Variants in METTL15 observed in about 807,000 individuals in gnomAD.
METTL15 encodes methyltransferase 15, mitochondrial 12S rRNA N4-cytidine.
In METTL15, 34 loss-of-function variants were observed where a neutral mutation model predicts 38.3. The ratio of observed to expected loss-of-function variants is 0.89; its 90% confidence interval spans 0.68 to 1.18. METTL15 has a LOEUF of 1.18. Among genes scored for constraint, METTL15 ranks in the 50% most tolerant of loss-of-function variants. The probability of loss-of-function intolerance (pLI) is 0.00; values close to 1 mark genes in which losing one functional copy is unlikely to be tolerated. For missense variants in METTL15, 438 were observed against 498.4 expected (o/e 0.88, Z 1.15); for synonymous variants, 162 against 170.9 (o/e 0.95, Z 0.41).
intron 3 of METTL15, 79 bp downstream of exon 3, chr11:28,113,683 T>C (rs1851819999): frequency 6.8e-7 from 1 of 1,469,374 alleles, no homozygotes; most frequent in East Asian, 2.3e-5. Flanking sequence ...TTTTAAGGTA[T>C]ACAATTCAGT....
chr11:28,375,601 T>G (rs1197045403), intron 5 of METTL15, among the ~76,000 whole-genome samples: 1 of 152,174 alleles, frequency 6.6e-6, no homozygotes, highest in Non-Finnish European at 1.5e-5. Context: ...ATTTTGTTGA[T>G]CCTTTCAAAA....
intron 6 of METTL15, among the ~76,000 whole-genome samples, chr11:28,522,639 A>G (rs1234918801): frequency 6.6e-6 from 1 of 152,234 alleles, no homozygotes; most frequent in Non-Finnish European, 1.5e-5. Flanking sequence ...AAGTTGACAC[A>G]TAAATTTCAC....
rs879386241 is a variant in METTL15, at chr11:28,445,459, TTAATC to T, written c.*424+21098_*424+21102del. Reference sequence around the variant, plus strand: ...GGAAACTGGACATTGATACAACACTTTAATCTATAGTCCACATTTTAATTTTATTA... The same window carrying T: ...GGAAACTGGACATTGATACAACACTTTATAGTCCACATTTTAATTTTATTA... On this transcript the variant is annotated intron_variant and NMD_transcript_variant, in intron 6 of 7. Coordinates refer to the METTL15 transcript ENST00000532947. Among the ~76,000 whole-genome samples, 27 of 152,256 alleles carry T rather than the reference TTAATC, an allele frequency of 1.8e-4. 1 individual carries two copies. Among genetic ancestry groups the T allele is most frequent in the South Asian group, 6.2e-4 (3 of 4,826 alleles).
intron 4 of METTL15, among the ~76,000 whole-genome samples, chr11:28,355,012 T>C (rs1004215882): frequency 2.6e-5 from 4 of 151,958 alleles, no homozygotes; most frequent in African/African-American, 9.7e-5. Flanking sequence ...GAAGAGTGCA[T>C]CTCTGGGACT....
chr11:28,431,776 T>TAA (rs34283925), intron 6 of METTL15, among the ~76,000 whole-genome samples: 6,838 of 51,040 alleles, frequency 0.13, 477 homozygotes, highest in East Asian at 0.23. Flanking sequence ...GAATTATCAA[T>TAA]AAAAAAATAA....
chr11:28,179,807 C>A (rs1227771018), intron 3 of METTL15, among the ~76,000 whole-genome samples: 1 of 151,736 alleles, frequency 6.6e-6, no homozygotes, highest in Non-Finnish European at 1.5e-5. Flanking sequence ...TATTGATTCA[C>A]TTTAGGAAAT....
intron 5 of METTL15, among the ~76,000 whole-genome samples, chr11:28,368,511 G>A (rs1446480641): frequency 1.3e-5 from 2 of 152,208 alleles, no homozygotes. Flanking sequence ...AACAGATCCT[G>A]GAGAGGATGG....
At chr11:28,115,441 A>G (rs1407668760) in intron 3 of METTL15, among the ~76,000 whole-genome samples, 1 of 151,974 alleles carries the variant, frequency 6.6e-6, no homozygotes, top group African/African-American at 2.4e-5. Context: ...TATTTTTAGT[A>G]GAGATGGGGT....
At chr11:28,244,964 C>T (rs1295501477) in intron 4 of METTL15, among the ~76,000 whole-genome samples, 1 of 152,128 alleles carries the variant, frequency 6.6e-6, no homozygotes. Flanking sequence ...TTTGTGCAGC[C>T]TGCAAGGTTT....
chr11:28,253,888 G>T (rs1377752906), intron 4 of METTL15, among the ~76,000 whole-genome samples: 1 of 151,976 alleles, frequency 6.6e-6, no homozygotes, highest in African/African-American at 2.4e-5. Context: ...ATTTGTTGAT[G>T]GACACTTGGT....
intron 1 of METTL15, among the ~76,000 whole-genome samples, chr11:28,109,738 A>T (rs1565097002): frequency 6.6e-6 from 1 of 152,214 alleles, no homozygotes; most frequent in African/African-American, 2.4e-5. Flanking sequence ...CCCACATTGT[A>T]TAAGGTTTAT....
Position 28,330,695 on chromosome 11 carries a change from C to A in METTL15, c.1078C>A (p.His360Asn), listed in dbSNP as rs1325660932. Residue 360 changes from histidine (H) to asparagine (N), a missense_variant, in exon 7 of 7, where the codon CAC (histidine) becomes AAC (asparagine). Physicochemically the swap from His to Asn is moderately conservative, Grantham distance 68. Transcript: ENST00000407364. ...VMKTSQLGSD[H>N]ENTEEVSMRR... ...GAAAACATCTCAATTGGGTTCAGAT[C>A]ACGAAAACACGGAAGAAGTCTCTAT... 5.2e-6 allele frequency: 8 copies of A among 1,551,340 alleles called. No homozygotes were observed. The highest frequency in any genetic ancestry group is 7.0e-6 in the Non-Finnish European group (8 of 1,146,808).
chr11:28,361,426 A>G (rs1157614862), intron 4 of METTL15, among the ~76,000 whole-genome samples: 1 of 152,176 alleles, frequency 6.6e-6, no homozygotes, highest in Non-Finnish European at 1.5e-5. Context: ...ATATCGCCAA[A>G]CTGTCATTTC....
intron 4 of METTL15, among the ~76,000 whole-genome samples, chr11:28,271,428 C>T (rs1257856253): frequency 6.6e-6 from 1 of 152,148 alleles, no homozygotes; most frequent in African/African-American, 2.4e-5. Context: ...TTAAGATTGA[C>T]ATTGGTTGAT....
intron 3 of METTL15, among the ~76,000 whole-genome samples, chr11:28,128,633 G>T: frequency 6.6e-6 from 1 of 151,964 alleles, no homozygotes; most frequent in Non-Finnish European, 1.5e-5. Flanking sequence ...GCAATGTTTT[G>T]CGTAAAAGTT....
At chr11:28,260,922 TGTTG>T (rs567009786) in intron 4 of METTL15, among the ~76,000 whole-genome samples, 34 of 152,306 alleles carry the variant, frequency 2.2e-4, no homozygotes, top group Admixed American at 1.4e-3. Context: ...AGTTAAGGCC[TGTTG>T]GTTGGTAGTT....
chr11:28,422,350 T>C (rs1052326691), intron 5 of METTL15, among the ~76,000 whole-genome samples: 1 of 151,994 alleles, frequency 6.6e-6, no homozygotes, highest in African/African-American at 2.4e-5. Flanking sequence ...CTAAAATTTA[T>C]GTGGAACTAC....
At chr11:28,323,700 G>A (rs1849544280) in intron 6 of METTL15, among the ~76,000 whole-genome samples, 1 of 152,190 alleles carries the variant, frequency 6.6e-6, no homozygotes, top group Non-Finnish European at 1.5e-5. Flanking sequence ...AAGAGTCATA[G>A]TGGTAGAGCT....
intron 4 of METTL15, among the ~76,000 whole-genome samples, chr11:28,247,882 T>C (rs974790329): frequency 4.6e-5 from 7 of 152,092 alleles, no homozygotes; most frequent in African/African-American, 1.7e-4. Context: ...AGGAAAGTTG[T>C]TGAGTAGCTT....
Sources: gnomAD v4.1 joint callset for allele counts (sites outside exome capture counted in the v4.1 genomes callset) on GRCh38, gnomAD v4.1.1 for gene constraint, MANE v1.5 for transcripts, NCBI Gene and HGNC (gene_info 2026-07-23, HGNC 2026-07-21) for gene names.